Variants in SDK1 observed in about 807,000 individuals in gnomAD.
The protein encoded by SDK1 is sidekick cell adhesion molecule 1.
SDK1 carries 157 observed loss-of-function variants against 245.5 expected under a neutral mutation model. That is an observed-to-expected ratio of 0.64 (90% CI 0.56 to 0.73). The LOEUF is 0.73. Among genes scored for constraint, SDK1 ranks in the 30% least tolerant of loss-of-function variants. The pLI is 0.00. For synonymous variants in SDK1, 1,647 were observed against 1,278.5 expected, an observed-to-expected ratio of 1.29 and a Z score of -6.15; for missense variants, 3,583 against 3,002.3, an observed-to-expected ratio of 1.19 and a Z score of -4.52.
At chr7:3,706,511 C>T (rs985135355) in intron 4 of SDK1, among the ~76,000 whole-genome samples, 3 of 152,190 alleles carry the variant, frequency 2.0e-5, no homozygotes, top group Non-Finnish European at 4.4e-5. Context: ...ACACCATTCT[C>T]CTGCCTCGGC....
chr7:3,370,466 G>T (rs1163996060), intron 1 of SDK1, among the ~76,000 whole-genome samples: 1 of 152,210 alleles, frequency 6.6e-6, no homozygotes, highest in Non-Finnish European at 1.5e-5. Flanking sequence ...GGAGCAGCCT[G>T]TAATCTGAGT....
intron 4 of SDK1, among the ~76,000 whole-genome samples, chr7:3,761,752 A>G (rs2114990264): frequency 6.6e-6 from 1 of 152,232 alleles, no homozygotes; most frequent in Non-Finnish European, 1.5e-5. Context: ...AGCAGATTAT[A>G]GTTATGAAAT....
chr7:4,023,498 G>A (rs1787097027), intron 17 of SDK1, among the ~76,000 whole-genome samples: 1 of 152,136 alleles, frequency 6.6e-6, no homozygotes, highest in African/African-American at 2.4e-5. Flanking sequence ...TACCCACGAT[G>A]AAATGGAAAA....
intron 1 of SDK1, among the ~76,000 whole-genome samples, chr7:3,555,697 A>G (rs118068739): frequency 0.018 from 2,778 of 152,330 alleles, 32 homozygotes; most frequent in Non-Finnish European, 0.03. Context: ...TAACCAGCAT[A>G]TATAAGGAGT....
At chr7:3,473,874 G>GCGTAGGAA (rs1454794654) in intron 1 of SDK1, among the ~76,000 whole-genome samples, 9 of 151,730 alleles carry the variant, frequency 5.9e-5, no homozygotes. Flanking sequence ...CTCCAAATTC[G>GCGTAGGAA]CGTATGTTCC....
intron 1 of SDK1, among the ~76,000 whole-genome samples, chr7:3,597,388 C>T (rs766321080): frequency 6.6e-6 from 1 of 151,868 alleles, no homozygotes; most frequent in Non-Finnish European, 1.5e-5. Context: ...TTTCACATCA[C>T]TCTTTCAGTG....
intron 7 of SDK1, among the ~76,000 whole-genome samples, chr7:3,956,768 G>A (rs1214642622): frequency 6.6e-6 from 1 of 152,022 alleles, no homozygotes; most frequent in African/African-American, 2.4e-5. Context: ...CTAGGGTGGA[G>A]AGAGGTCACC....
rs747723742 is a variant in SDK1 at position 4,017,382 on chromosome 7, C to T, written c.2602+30C>T. The T allele has an allele frequency of 6.9e-5, 109 of 1,572,648 alleles. 1 individual carries two copies. The highest frequency in any genetic ancestry group is 1.8e-4 in the Admixed American group (10 of 56,410). On this transcript the variant is annotated intron_variant, in intron 17 of 44. Coordinates refer to ENST00000404826, the MANE Select transcript of SDK1 (RefSeq NM_152744.4). ...GCTTGTCTCCAAAACCACGAGGTGG[C>T]GGGATCTTTGCCGGGGAATGGGATT...
intron 4 of SDK1, among the ~76,000 whole-genome samples, chr7:3,657,558 T>G (rs1158729561): frequency 1.3e-5 from 2 of 152,198 alleles, no homozygotes; most frequent in African/African-American, 4.8e-5. Context: ...TCTCGTCACT[T>G]TCTGCCTGTG....
At chr7:4,112,258 TAGGTG>T (rs1334927364) in intron 23 of SDK1, among the ~76,000 whole-genome samples, 1 of 152,058 alleles carries the variant, frequency 6.6e-6, no homozygotes, top group Non-Finnish European at 1.5e-5. Context: ...AGGTCACAGA[TAGGTG>T]AGAGACAAAG....
intron 1 of SDK1, among the ~76,000 whole-genome samples, chr7:3,360,359 A>G (rs1470995835): frequency 6.6e-6 from 1 of 152,240 alleles, no homozygotes; most frequent in Admixed American, 6.5e-5. Flanking sequence ...CTCATCAGAC[A>G]GGTGCAAAGA....
chr7:3,698,495 A>AG (rs1784640011), intron 4 of SDK1, among the ~76,000 whole-genome samples: 1 of 152,164 alleles, frequency 6.6e-6, no homozygotes, highest in South Asian at 2.1e-4. Flanking sequence ...AGTGGTGACA[A>AG]GGGCCCTCCT....
intron 4 of SDK1, among the ~76,000 whole-genome samples, chr7:3,764,543 G>A (rs1780197129): frequency 6.6e-6 from 1 of 152,102 alleles, no homozygotes; most frequent in Non-Finnish European, 1.5e-5. Context: ...AAAATTAGCT[G>A]GGCATGGTGG....
intron 1 of SDK1, among the ~76,000 whole-genome samples, chr7:3,473,006 C>T (rs893947380): frequency 1.3e-5 from 2 of 152,154 alleles, no homozygotes; most frequent in Non-Finnish European, 2.9e-5. Flanking sequence ...TCTTTTTCCC[C>T]ATTTTCCTTT....
chr7:4,066,897 A>G (rs546857297), intron 19 of SDK1, among the ~76,000 whole-genome samples: 104 of 152,208 alleles, frequency 6.8e-4, no homozygotes, highest in Middle Eastern at 3.4e-3. Context: ...GCTGAGCTGC[A>G]CCTGCATCTT....
At chr7:4,070,740 C>T (rs1245299985) in intron 20 of SDK1, among the ~76,000 whole-genome samples, 1 of 150,184 alleles carries the variant, frequency 6.7e-6, no homozygotes, top group South Asian at 2.1e-4. Context: ...GATGGAGTCT[C>T]ACTCTGCAGC....
intron 35 of SDK1, among the ~76,000 whole-genome samples, chr7:4,182,236 C>A (rs1032145389): frequency 3.9e-5 from 6 of 152,192 alleles, no homozygotes; most frequent in African/African-American, 1.4e-4. Flanking sequence ...CCAGGACACC[C>A]TCTCTGTCCC....
chr7:3,723,658 T>TTGTGTGTGTGTG lies in SDK1; in HGVS notation c.713+81563_713+81574dup, dbSNP rs139688945. Among the ~76,000 whole-genome samples, 166 of 134,188 alleles carry TTGTGTGTGTGTG rather than the reference T, an allele frequency of 1.2e-3. 6 individuals carry two copies. The highest frequency in any genetic ancestry group is 4.6e-3 in the African/African-American group (152 of 32,956). The allele number at this position is 134,188 out of a possible 152,430, so 88.0% of individuals were successfully genotyped here. A position where few individuals can be genotyped will look rare whatever the true frequency, so the allele number is the denominator to read the frequency against. On this transcript the variant is annotated intron_variant, in intron 4 of 44. Coordinates refer to ENST00000404826, the MANE Select transcript of SDK1 (RefSeq NM_152744.4). ...ATTTCATTCAGTTAGTAAGTAAAAGTTGTGTGTGTGTGTGTGTGTGTATAC... is the reference window on the plus strand; with the variant it reads ...ATTTCATTCAGTTAGTAAGTAAAAGTTGTGTGTGTGTGTGTGTGTGTGTGTGTGTGTGTATAC...
intron 5 of SDK1, among the ~76,000 whole-genome samples, chr7:3,867,038 G>C (rs1290263487): frequency 6.6e-6 from 1 of 152,180 alleles, no homozygotes; most frequent in Non-Finnish European, 1.5e-5. Flanking sequence ...AATAAACGTG[G>C]CTGGTATGAG....
Sources: gnomAD v4.1 joint callset for allele counts (sites outside exome capture counted in the v4.1 genomes callset) on GRCh38, gnomAD v4.1.1 for gene constraint, MANE v1.5 for transcripts, NCBI Gene and HGNC (gene_info 2026-07-23, HGNC 2026-07-21) for gene names.